The following GRM1 variants were observed in gnomAD, a reference collection of about 807,000 sequenced individuals.
GRM1 encodes metabotropic glutamate receptor 1.
GRM1 carries 33 observed loss-of-function variants against 90.9 expected under a neutral mutation model. The ratio of observed to expected loss-of-function variants is 0.36; its 90% confidence interval spans 0.28 to 0.49. The LOEUF (loss-of-function observed/expected upper bound fraction) is 0.49. GRM1 is among the 20% of genes least tolerant of loss of function. The pLI is 0.99. For missense variants in GRM1, 1,190 were observed against 1,534.3 expected, an observed-to-expected ratio of 0.78 and a Z score of 3.75; for synonymous variants, 700 against 613.2, an observed-to-expected ratio of 1.14 and a Z score of -2.09.
chr6:146,205,138 T>C (rs1055731482), intron 2 of GRM1, among the ~76,000 whole-genome samples: 1 of 152,160 alleles, frequency 6.6e-6, no homozygotes, highest in African/African-American at 2.4e-5. Flanking sequence ...TAGTTTGGGG[T>C]TCAATTGAGG....
intron 3 of GRM1, among the ~76,000 whole-genome samples, chr6:146,342,080 A>G (rs942341648): frequency 2.0e-5 from 3 of 152,220 alleles, no homozygotes; most frequent in South Asian, 4.1e-4. Flanking sequence ...GGGAACTCAG[A>G]CAAAACCTTA....
At chr6:146,216,555 A>T (rs1284585609) in intron 2 of GRM1, among the ~76,000 whole-genome samples, 1 of 152,160 alleles carries the variant, frequency 6.6e-6, no homozygotes, top group Non-Finnish European at 1.5e-5. Context: ...CCAGTGGAAA[A>T]ATATCATTCG....
chr6:146,215,396 C>T (rs1173134387), intron 2 of GRM1, among the ~76,000 whole-genome samples: 1 of 152,012 alleles, frequency 6.6e-6, no homozygotes, highest in African/African-American at 2.4e-5. Flanking sequence ...CAACCACTCT[C>T]TGTTTTCTTT....
At chr6:146,109,532 G>C (rs1469091429) in intron 1 of GRM1, among the ~76,000 whole-genome samples, 1 of 152,196 alleles carries the variant, frequency 6.6e-6, no homozygotes, top group Non-Finnish European at 1.5e-5. Context: ...TGTAGGGACA[G>C]GGTCCTCATG....
intron 2 of GRM1, among the ~76,000 whole-genome samples, chr6:146,263,027 A>G (rs1781757938): frequency 2.0e-5 from 3 of 151,978 alleles, no homozygotes; most frequent in Admixed American, 2.0e-4. Flanking sequence ...CTGCTGCTGA[A>G]TGTAAATAAC....
chr6:146,280,196 C>T (rs944935271), intron 2 of GRM1, among the ~76,000 whole-genome samples: 6 of 152,040 alleles, frequency 3.9e-5, no homozygotes, highest in African/African-American at 1.4e-4. Context: ...TCTGGTGTGT[C>T]TAGTGCTGTG....
At chr6:146,109,237 T>G (rs1583014499) in intron 1 of GRM1, among the ~76,000 whole-genome samples, 1 of 152,150 alleles carries the variant, frequency 6.6e-6, no homozygotes, top group Non-Finnish European at 1.5e-5. Flanking sequence ...TTCCAGATGC[T>G]TAGAAGGAAA....
chr6:146,380,464 G>A (rs1228091631), intron 5 of GRM1, among the ~76,000 whole-genome samples: 3 of 152,168 alleles, frequency 2.0e-5, no homozygotes, highest in East Asian at 1.9e-4. Context: ...TACCCCTGAT[G>A]TTCCCTTAAG....
intron 2 of GRM1, among the ~76,000 whole-genome samples, chr6:146,236,656 T>A: frequency 6.7e-6 from 1 of 148,884 alleles, no homozygotes; most frequent in Admixed American, 7.4e-5. Context: ...GGAATTTTTG[T>A]TGTTGTTGTT....
At chr6:146,155,999 C>T (rs917086665) in intron 1 of GRM1, among the ~76,000 whole-genome samples, 7 of 152,216 alleles carry the variant, frequency 4.6e-5, no homozygotes, top group African/African-American at 1.2e-4. Context: ...CAGGAGCCTA[C>T]GGCACTTGTC....
intron 7 of GRM1, among the ~76,000 whole-genome samples, chr6:146,416,962 A>C (rs2114645336): frequency 6.6e-6 from 1 of 152,330 alleles, no homozygotes; most frequent in Admixed American, 6.5e-5. Context: ...ACCAAGTGTC[A>C]GTCTCACTTT....
intron 2 of GRM1, among the ~76,000 whole-genome samples, chr6:146,273,119 C>A (rs1782229941): frequency 1.3e-5 from 2 of 152,216 alleles, no homozygotes; most frequent in Non-Finnish European, 2.9e-5. Flanking sequence ...AGAAGATATT[C>A]TTGTGCCAAA....
At chr6:146,155,547 A>G (rs148877158) in intron 1 of GRM1, among the ~76,000 whole-genome samples, 327 of 152,324 alleles carry the variant, frequency 2.1e-3, no homozygotes, top group African/African-American at 7.5e-3. Flanking sequence ...AAGCATGGGG[A>G]ATGACCAGGA....
At chr6:146,371,908 A>G (rs1775915832) in intron 5 of GRM1, among the ~76,000 whole-genome samples, 1 of 152,144 alleles carries the variant, frequency 6.6e-6, no homozygotes, top group Admixed American at 6.6e-5. Context: ...TATTAGAAAA[A>G]GTGCTACAAC....
At chr6:146,034,665 A>G (rs999761868) in intron 1 of GRM1, among the ~76,000 whole-genome samples, 46 of 151,966 alleles carry the variant, frequency 3.0e-4, no homozygotes, top group Non-Finnish European at 5.9e-5. Context: ...AAACCTGAAT[A>G]AGATAAGGGT....
chr6:146,170,836 T>TA (rs1383134917), intron 2 of GRM1, among the ~76,000 whole-genome samples: 1 of 152,204 alleles, frequency 6.6e-6, no homozygotes, highest in African/African-American at 2.4e-5. Context: ...CACTTTTTTT[T>TA]AAAAAAATCT....
At chr6:146,277,077 A>G (rs1409825091) in intron 2 of GRM1, among the ~76,000 whole-genome samples, 2 of 152,192 alleles carry the variant, frequency 1.3e-5, no homozygotes, top group Non-Finnish European at 2.9e-5. Flanking sequence ...ACTCCAGCCT[A>G]GGCAACAGAG....
chr6:146,419,231 C>A (rs1384938329), intron 7 of GRM1, among the ~76,000 whole-genome samples: 2 of 152,148 alleles, frequency 1.3e-5, no homozygotes, highest in African/African-American at 2.4e-5. Context: ...TATCATTTTA[C>A]AATCCTTGGT....
At chr6:146,222,471 C>G (rs937999659) in intron 2 of GRM1, among the ~76,000 whole-genome samples, 1 of 151,852 alleles carries the variant, frequency 6.6e-6, no homozygotes, top group Admixed American at 6.6e-5. Context: ...CCCAGGAGAG[C>G]CAGTGTTATA....
Sources: gnomAD v4.1 joint callset for allele counts (sites outside exome capture counted in the v4.1 genomes callset) on GRCh38, gnomAD v4.1.1 for gene constraint, MANE v1.5 for transcripts, NCBI Gene and HGNC (gene_info 2026-07-23, HGNC 2026-07-21) for gene names.